Variants in TRIP13 observed in about 807,000 individuals in gnomAD.
TRIP13 encodes the protein pachytene checkpoint protein 2 homolog.
Under a neutral mutation model 54.4 loss-of-function variants are expected in TRIP13, and 25 were observed. The observed-to-expected ratio is 0.46, with a 90% CI of 0.33 to 0.64. The LOEUF (loss-of-function observed/expected upper bound fraction) is 0.64, where lower values mean the gene tolerates loss of function less well. Ranked by LOEUF, TRIP13 falls within the 30% of genes least tolerant of loss-of-function variation. TRIP13 has a pLI of 0.02. For missense variants in TRIP13, 373 were observed against 534.2 expected (o/e 0.70, Z 2.97); for synonymous variants, 207 against 207.8 (o/e 1.00, Z 0.03).
intron 5 of TRIP13, among the ~76,000 whole-genome samples, chr5:901,759 A>T (rs1237954777): frequency 6.6e-6 from 1 of 152,108 alleles, no homozygotes; most frequent in Admixed American, 6.5e-5. Flanking sequence ...AGTAGCTGGG[A>T]TTACAGGCAT....
rs1804865 is a variant in TRIP13 at position 894,938 on chromosome 5, G to A, written c.244G>A (p.Val82Ile). Residue 82 changes from valine to isoleucine, a missense_variant, in exon 2 of 13, where the codon GTT (valine) becomes ATT (isoleucine). By Grantham distance (29) the Val-to-Ile change is conservative. Transcript: ENST00000166345. ...GTCTATTATTGACACAGAATTAAAG[G>A]TTAAAGACTCACAGGTAAGTTACTA... ...SVSIIDTELKVKDSQPIDLSA... is the reference protein window; with the variant it reads ...SVSIIDTELKIKDSQPIDLSA... The A allele has an allele frequency of 3.2e-5, 52 of 1,607,568 alleles. 1 individual carries two copies. The East Asian group carries it at 1.1e-3, about 35-fold the overall frequency.
At chr5:893,124 A>AACCCCC in intron 1 of TRIP13, 34 bp downstream of exon 1, 1 of 1,516,708 alleles carries the variant, frequency 6.6e-7, no homozygotes, top group Non-Finnish European at 8.8e-7. Context: ...TCCTCTGGGC[A>AACCCCC]CCCACCCGCC....
Position 904,151 on chromosome 5 carries a change from C to G in TRIP13, c.539C>G (p.Pro180Arg), listed in dbSNP as rs1754055633. Residue 180 changes from proline (P) to arginine (R), a missense_variant, in exon 6 of 13, where the codon CCT becomes CGT. Transcript: ENST00000166345. ...TWNRVVLLHG[P>R]PGTGKTSLCK... Reference sequence around the variant, plus strand: ...TTTGCTTGGATCTTTGTCACAGGTCCTCCTGGCACTGGAAAAACATCCCTG... The same window carrying G: ...TTTGCTTGGATCTTTGTCACAGGTCGTCCTGGCACTGGAAAAACATCCCTG... 6.2e-7 allele frequency: 1 copy of G among 1,603,470 alleles called. No individual in the cohort carries two copies. Among genetic ancestry groups the G allele is most frequent in the Admixed American group, 1.7e-5 (1 of 57,212 alleles).
rs776740563 is a variant in TRIP13 at position 904,261 on chromosome 5, G to A, written c.608+41G>A. ...CTGTGAGAGGAGAGCCATGGGAATG[G>A]GATTTATAACGGGAGGTTGTTTTTT... On this transcript the variant is annotated intron_variant, in intron 6 of 12. Coordinates refer to ENST00000166345, the MANE Select transcript of TRIP13 (RefSeq NM_004237.4). 1.0e-5 allele frequency: 16 copies of A among 1,533,624 alleles called. No homozygotes were observed. The East Asian group carries it at 3.4e-4, about 33-fold the overall frequency.
intron 6 of TRIP13, among the ~76,000 whole-genome samples, chr5:906,415 T>C (rs1754116209): frequency 6.6e-6 from 1 of 152,234 alleles, no homozygotes; most frequent in South Asian, 2.1e-4. Flanking sequence ...AGTCTATATT[T>C]TGTTAGATTG....
chr5:903,540 C>T (rs111951005), intron 5 of TRIP13, among the ~76,000 whole-genome samples: 706 of 152,228 alleles, frequency 4.6e-3, no homozygotes, highest in Non-Finnish European at 6.7e-3. Context: ...CTCGTGCCCT[C>T]GGTCTCTTGC....
At position 907,935 on chromosome 5, in the gene TRIP13, A is replaced by C. The variant is rs929303471; in HGVS notation, c.673-53A>C. The C allele has an allele frequency of 1.6e-5, 25 of 1,582,998 alleles. No individual in the cohort carries two copies. The highest frequency in any genetic ancestry group is 2.2e-5 in the Non-Finnish European group (25 of 1,151,680). On this transcript the variant is annotated intron_variant, in intron 7 of 12. Transcript: ENST00000166345. This position sits in a 1 kb window ranked among gnomAD's most constrained non-coding sequence, Gnocchi z 4.1. The stretch of plus-strand genomic sequence containing the variant: ...AGGCCACATCAGGGTCCCCCTGTGC[A>C]CCTGGCAGTGTGGTCCCTGCACGTT...
At chr5:906,485 G>A (rs1754118036) in intron 6 of TRIP13, among the ~76,000 whole-genome samples, 3 of 152,078 alleles carry the variant, frequency 2.0e-5, no homozygotes, top group Middle Eastern at 6.8e-3. Context: ...TCTTTTTTAC[G>A]TGGAATGCCA....
In TRIP13 at chr5:893,088, C is replaced by G; in HGVS notation, c.90C>G (p.Ser30Arg). The change falls in exon 1 of 13, where the codon AGC becomes AGG. Residue 30 changes from serine (S) to arginine (R), a missense_variant and splice_region_variant. Physicochemically the swap from Ser to Arg is moderately radical, Grantham distance 110. Around this residue, in one of 4 missense-constraint regions of TRIP13, gnomAD observed 151 missense variants for 151.9 expected, o/e 0.99. Coordinates refer to ENST00000166345, the MANE Select transcript of TRIP13 (RefSeq NM_004237.4). ...ACGTGGAGGTGCATCAGCGCGGCAG[C>G]AGGTGAGCCGGACCTGTCCGACACA... The part of the protein sequence containing the change: ...TVHVEVHQRG[S>R]STAKKEDINL... 6.3e-7 allele frequency: 1 copy of G among 1,591,722 alleles called. No individual in the cohort carries two copies. The highest frequency in any genetic ancestry group is 8.5e-7 in the Non-Finnish European group (1 of 1,174,892).
At position 901,390 on chromosome 5, in the gene TRIP13, A is replaced by C. The variant is rs1753986469; in HGVS notation, c.494A>C (p.Asn165Thr). ...TTLLFSDKNVNSNLITWNRVV... is the reference protein window; with the variant it reads ...TTLLFSDKNVTSNLITWNRVV... ...TTACTGTTTTCAGACAAGAACGTCA[A>C]CAGCAACCTCATCACCTGGAACCGG... The change falls in exon 5 of 13, where the codon AAC (asparagine) becomes ACC (threonine). Residue 165 changes from asparagine to threonine, a missense_variant. By Grantham distance (65) the Asn-to-Thr change is moderately conservative. Coordinates refer to ENST00000166345, the MANE Select transcript of TRIP13 (RefSeq NM_004237.4). 1.2e-6 allele frequency: 2 copies of C among 1,614,206 alleles called. No homozygotes were observed. The highest frequency in any genetic ancestry group is 1.7e-6 in the Non-Finnish European group (2 of 1,180,024).
chr5:915,453 A>G lies in TRIP13; in HGVS notation c.1134-451A>G, dbSNP rs6882887. 5.0e-3 allele frequency among the ~76,000 whole-genome samples: 527 copies of G among 104,462 alleles called. 28 individuals are homozygous for G. The highest frequency in any genetic ancestry group is 0.023 in the African/African-American group (455 of 20,170). The allele number at this position is 104,462 out of a possible 152,430, so 68.5% of individuals were successfully genotyped here. A position where few individuals can be genotyped will look rare whatever the true frequency, so the allele number is the denominator to read the frequency against. On this transcript the variant is annotated intron_variant, in intron 11 of 12. Transcript: ENST00000166345. The surrounding 1 kb of genome is among the most constrained non-coding windows in gnomAD (Gnocchi z 4.2). ...TGCTGGCCCTGGGGCAGAGGCTCCC[A>G]GGCAGGTGATGCATTCCCTGAGCGC...
chr5:903,351 C>T (rs966996944), intron 5 of TRIP13, among the ~76,000 whole-genome samples: 2 of 152,094 alleles, frequency 1.3e-5, no homozygotes, highest in Non-Finnish European at 2.9e-5. Flanking sequence ...GTCCCCTCAG[C>T]TCCTATCTCT....
Position 900,568 on chromosome 5 carries a change from T to C in TRIP13, c.444+19T>C, listed in dbSNP as rs1392944412. 2 of 1,609,456 alleles carry C rather than the reference T, an allele frequency of 1.2e-6. No individual in the cohort carries two copies. The highest frequency in any genetic ancestry group is 8.5e-7 in the Non-Finnish European group (1 of 1,178,762). On this transcript the variant is annotated intron_variant, in intron 4 of 12. Transcript: ENST00000166345. ...ATCCCATGTAAGTTGCTGTGCCTTT[T>C]CCCAGAATGCCCTGTTATTTGAAGA...
Position 892,996 on chromosome 5 carries a change from G to C in TRIP13, c.-3G>C. 1 of 1,541,666 alleles carries C rather than the reference G, an allele frequency of 6.5e-7. No individual in the cohort carries two copies. The highest frequency in any genetic ancestry group is 1.2e-5 in the South Asian group (1 of 83,168). On this transcript the variant is annotated 5_prime_UTR_variant, in exon 1 of 13. Transcript: ENST00000166345. ...TTGGGTCCCCACTGCTCTCGGGGGC[G>C]CCATGGACGAGGCCGTGGGCGACCT...
chr5:895,010 A>G, intron 2 of TRIP13, 58 bp downstream of exon 2: 1 of 1,513,698 alleles, frequency 6.6e-7, no homozygotes, highest in Non-Finnish European at 8.9e-7. Flanking sequence ...AGGTTGTATC[A>G]TGAATGTCTT....
chr5:916,002 C>A, intron 12 of TRIP13, 29 bp downstream of exon 12: 1 of 1,607,352 alleles, frequency 6.2e-7, no homozygotes, highest in African/African-American at 1.3e-5. Flanking sequence ...CCTCCAGCAC[C>A]CGCCCTGTCC....
chr5:918,714 C>A (rs1327644138), downstream of TRIP13, among the ~76,000 whole-genome samples: 1 of 152,184 alleles, frequency 6.6e-6, no homozygotes, highest in Non-Finnish European at 1.5e-5. The surrounding 1 kb of genome is among the most constrained non-coding windows in gnomAD (Gnocchi z 4.3). Context: ...GAGAGCCACT[C>A]CGAGTCCCAA....
chr5:893,218 C>T (rs1753732522), intron 1 of TRIP13, 128 bp downstream of exon 1: 1 of 963,592 alleles, frequency 1.0e-6, no homozygotes, highest in South Asian at 1.6e-5. Flanking sequence ...TCCGGCCCGA[C>T]TGGACCCGGG....
chr5:896,346 C>G (rs764586402), intron 2 of TRIP13, among the ~76,000 whole-genome samples: 10 of 152,044 alleles, frequency 6.6e-5, no homozygotes, highest in African/African-American at 9.7e-5. Context: ...AAACAAAAAA[C>G]CTTATATGAT....
Sources: gnomAD v4.1 joint callset for allele counts (sites outside exome capture counted in the v4.1 genomes callset) on GRCh38, gnomAD v4.1.1 for gene constraint, gnomAD v4.1.1 regional missense constraint, Gnocchi (gnomAD v3.1) non-coding constraint, MANE v1.5 for transcripts, NCBI Gene and HGNC (gene_info 2026-07-23, HGNC 2026-07-21) for gene names.